The following TCF7L2 variants were observed in gnomAD, a reference collection of about 807,000 sequenced individuals.
The protein encoded by TCF7L2 is transcription factor 7 like 2.
Under a neutral mutation model 77.9 loss-of-function variants are expected in TCF7L2, and 23 were observed. The observed-to-expected ratio is 0.30, with a 90% confidence interval of 0.21 to 0.42. The LOEUF (loss-of-function observed/expected upper bound fraction) is 0.42. Among genes scored for constraint, TCF7L2 ranks in the 10% least tolerant of loss-of-function variants. The pLI is 1.00. For synonymous variants in TCF7L2, 413 were observed against 340.2 expected (o/e 1.21, Z -2.36); for missense variants, 654 against 793.1 (o/e 0.82, Z 2.11).
At chr10:112,990,671 A>G (rs2042371768) in intron 4 of TCF7L2, among the ~76,000 whole-genome samples, 1 of 152,130 alleles carries the variant, frequency 6.6e-6, no homozygotes, top group South Asian at 2.1e-4. Flanking sequence ...GTGCCACTGC[A>G]CTGCAGCCTG....
At chr10:113,115,227 T>A (rs2063573123) in intron 5 of TCF7L2, among the ~76,000 whole-genome samples, 1 of 152,248 alleles carries the variant, frequency 6.6e-6, no homozygotes, top group Non-Finnish European at 1.5e-5. Flanking sequence ...AAATAGTTTT[T>A]AATTGGCTTC....
chr10:113,033,346 C>T (rs2050582331), intron 4 of TCF7L2, among the ~76,000 whole-genome samples: 1 of 151,982 alleles, frequency 6.6e-6, no homozygotes, highest in Admixed American at 6.6e-5. Flanking sequence ...GCAACCTCTG[C>T]CTCCTGGGCT....
intron 5 of TCF7L2, among the ~76,000 whole-genome samples, chr10:113,083,902 T>C (rs2059567974): frequency 6.6e-6 from 1 of 152,220 alleles, no homozygotes; most frequent in Non-Finnish European, 1.5e-5. Context: ...TCTTTAAAAA[T>C]CTAGGCTTTA....
intron 13 of TCF7L2, chr10:113,160,840 T>A: frequency 2.7e-6 from 2 of 734,132 alleles, no homozygotes; most frequent in African/African-American, 1.8e-5. Flanking sequence ...ATTTCCTTGC[T>A]AATTTTATGC....
At chr10:113,124,603 T>C (rs1248502180) in intron 5 of TCF7L2, among the ~76,000 whole-genome samples, 2 of 152,142 alleles carry the variant, frequency 1.3e-5, no homozygotes, top group Admixed American at 1.3e-4. Flanking sequence ...ATAAGTGATA[T>C]AACTCTGCAG....
At position 112,964,495 on chromosome 10, in the gene TCF7L2, A is replaced by C. The variant is rs930020042; in HGVS notation, c.382-61A>C. 6.0e-6 allele frequency: 9 copies of C among 1,507,154 alleles called. No individual in the cohort carries two copies. In the African/African-American group the frequency reaches 8.3e-5, roughly 14 times the overall value. The allele number at this position is 1,507,154 out of a possible 1,614,324, so 93.4% of individuals were successfully genotyped here. A position where few individuals can be genotyped will look rare whatever the true frequency, so the allele number is the denominator to read the frequency against. On this transcript the variant is annotated intron_variant, in intron 3 of 13. Coordinates refer to ENST00000627217, the MANE Select transcript of TCF7L2 (RefSeq NM_001146274.2). The stretch of plus-strand genomic sequence containing the variant: ...TTTGTCTGCTATTCATAAACTGCTT[A>C]AGATGTTTTCTTGTAGTTTGTGACA...
At chr10:113,005,332 G>C (rs560722740) in intron 4 of TCF7L2, among the ~76,000 whole-genome samples, 25 of 152,314 alleles carry the variant, frequency 1.6e-4, no homozygotes, top group African/African-American at 5.8e-4. Context: ...GGTTAGAGGT[G>C]GGTCCTTCTC....
chr10:112,996,433 A>G (rs1024311299), intron 4 of TCF7L2, among the ~76,000 whole-genome samples: 1 of 152,226 alleles, frequency 6.6e-6, no homozygotes, highest in Non-Finnish European at 1.5e-5. Flanking sequence ...GAAATATTTT[A>G]TGGAGAGATG....
Position 113,045,089 on chromosome 10 carries a change from C to T in TCF7L2, c.552+4963C>T, listed in dbSNP as rs186027791. ...TGAGTGGGGAGTATTGGAGGAGGAG[C>T]AGGTTTGGGGTGGAAGCGTTGTCCT... is the stretch of plus-strand genomic sequence containing the variant. On this transcript the variant is annotated intron_variant, in intron 5 of 13. Transcript: ENST00000627217. 2.9e-3 allele frequency among the ~76,000 whole-genome samples: 439 copies of T among 152,094 alleles called. 4 individuals are homozygous for T. Among genetic ancestry groups the T allele is most frequent in the Middle Eastern group, 0.017 (5 of 294 alleles).
chr10:113,167,337 A>G lies in TCF7L2; in HGVS notation c.*1365A>G. 1 of 227,424 alleles carries G rather than the reference A, an allele frequency of 4.4e-6. No individual in the cohort carries two copies. Among genetic ancestry groups the G allele is most frequent in the East Asian group, 6.4e-5 (1 of 15,726 alleles). 14.1% of individuals were successfully genotyped at this position (227,424 alleles called of 1,614,324 possible). ...GTACACATATTACATACGAGTAGGCAGCAGACTTTAAAAATAAAAAAAACC... is the reference window on the plus strand; with the variant it reads ...GTACACATATTACATACGAGTAGGCGGCAGACTTTAAAAATAAAAAAAACC... On this transcript the variant is annotated 3_prime_UTR_variant, in exon 14 of 14. Transcript: ENST00000627217.
At chr10:112,961,044 T>A (rs543826051) in intron 3 of TCF7L2, among the ~76,000 whole-genome samples, 490 of 151,286 alleles carry the variant, frequency 3.2e-3, no homozygotes, top group African/African-American at 0.012. Context: ...GACGGAGTTT[T>A]GCTCTTGTTG....
intron 5 of TCF7L2, among the ~76,000 whole-genome samples, chr10:113,063,799 C>T (rs1380191475): frequency 1.3e-5 from 2 of 151,822 alleles, no homozygotes; most frequent in Non-Finnish European, 2.9e-5. Flanking sequence ...GGGGAAGGTC[C>T]CGAGAGATCT....
chr10:113,143,226 G>A (rs987266950), intron 6 of TCF7L2, among the ~76,000 whole-genome samples: 19 of 152,258 alleles, frequency 1.2e-4, no homozygotes, highest in African/African-American at 4.3e-4. Flanking sequence ...CCCCTGCGAC[G>A]CACGCGGTGC....
intron 5 of TCF7L2, among the ~76,000 whole-genome samples, chr10:113,117,137 G>T (rs2063822171): frequency 1.3e-5 from 2 of 152,202 alleles, no homozygotes; most frequent in African/African-American, 4.8e-5. Flanking sequence ...CGATTTAACT[G>T]CTTTGAAAGA....
chr10:113,010,442 A>T (rs2046264559), intron 4 of TCF7L2, among the ~76,000 whole-genome samples: 1 of 152,140 alleles, frequency 6.6e-6, no homozygotes, highest in South Asian at 2.1e-4. Flanking sequence ...GAATCACCGT[A>T]TGAGGATAGT....
chr10:113,004,803 G>T (rs190564844), intron 4 of TCF7L2, among the ~76,000 whole-genome samples: 12 of 152,208 alleles, frequency 7.9e-5, no homozygotes, highest in African/African-American at 2.6e-4. Flanking sequence ...CTCCTGAGTA[G>T]CTGGGATGTC....
chr10:113,076,445 T>TTTG (rs137859100), intron 5 of TCF7L2, among the ~76,000 whole-genome samples: 1 of 152,138 alleles, frequency 6.6e-6, no homozygotes, highest in South Asian at 2.1e-4. Context: ...AACTAGTCTT[T>TTTG]TTGTTGTTGT....
intron 4 of TCF7L2, among the ~76,000 whole-genome samples, chr10:112,979,730 T>C (rs889107229): frequency 6.6e-6 from 1 of 151,244 alleles, no homozygotes; most frequent in African/African-American, 2.4e-5. Context: ...TACTCCAGCC[T>C]AGGTGACGGA....
chr10:113,085,758 G>A (rs1591503745), intron 5 of TCF7L2, among the ~76,000 whole-genome samples: 1 of 152,176 alleles, frequency 6.6e-6, no homozygotes, highest in African/African-American at 2.4e-5. Context: ...CTTCTCTCTT[G>A]ACTTGATCCA....
Sources: gnomAD v4.1 joint callset for allele counts (sites outside exome capture counted in the v4.1 genomes callset) on GRCh38, gnomAD v4.1.1 for gene constraint, MANE v1.5 for transcripts, NCBI Gene and HGNC (gene_info 2026-07-23, HGNC 2026-07-21) for gene names.